The following CDC25A variants were observed in gnomAD, a reference collection of about 807,000 sequenced individuals.
The protein encoded by CDC25A is M-phase inducer phosphatase 1.
CDC25A carries 17 observed loss-of-function variants against 64.6 expected under a neutral mutation model. The ratio of observed to expected loss-of-function variants is 0.26; its 90% CI spans 0.18 to 0.39. The LOEUF (loss-of-function observed/expected upper bound fraction) is 0.39, where lower values mean the gene tolerates loss of function less well. CDC25A is among the 10% of genes least tolerant of loss of function. The pLI, the probability that CDC25A is intolerant of heterozygous loss-of-function variation, is 1.00. For missense variants in CDC25A, 473 were observed against 654.8 expected, an observed-to-expected ratio of 0.72 and a Z score of 3.03; for synonymous variants, 229 against 238.6, an observed-to-expected ratio of 0.96 and a Z score of 0.37.
intron 13 of CDC25A, among the ~76,000 whole-genome samples, chr3:48,160,186 C>T (rs2031689589): frequency 6.6e-6 from 1 of 152,092 alleles, no homozygotes; most frequent in Admixed American, 6.6e-5. Flanking sequence ...ACCTCAGGCT[C>T]ACTGCAATCT....
intron 13 of CDC25A, among the ~76,000 whole-genome samples, chr3:48,162,015 C>T (rs781702971): frequency 1.1e-4 from 16 of 151,982 alleles, no homozygotes; most frequent in African/African-American, 2.7e-4. Context: ...GATCCGAGAT[C>T]GCACCACTGC....
rs567697028 is a variant in CDC25A, at chr3:48,161,714, T to TA, written c.1323-2260dup. 2.5e-3 allele frequency among the ~76,000 whole-genome samples: 364 copies of TA among 146,140 alleles called. 8 individuals carry two copies. The East Asian group carries it at 0.052, about 21-fold the overall frequency. On this transcript the variant is annotated intron_variant, in intron 13 of 14. Coordinates refer to ENST00000302506, the MANE Select transcript of CDC25A (RefSeq NM_001789.3). ...ACAGAGACTGACCCTGACTCAAAAA[T>TA]AAAAAAAAAAGAGAGCAGCATCTTT...
rs1227952399 is a variant in CDC25A, at chr3:48,158,825, G to A, written c.*120C>T. 5.3e-5 allele frequency: 67 copies of A among 1,266,620 alleles called. No homozygotes were observed. Among genetic ancestry groups the A allele is most frequent in the Non-Finnish European group, 7.0e-5 (64 of 912,398 alleles). 78.5% of individuals were successfully genotyped at this position (1,266,620 alleles called of 1,614,324 possible). ...TGGGAGGTAGGTTTAAGGCATGGAA[G>A]TCCCAGGCCCCCTCTCCAAATGTCA... On this transcript the variant is annotated 3_prime_UTR_variant, in exon 15 of 15. Transcript: ENST00000302506.
chr3:48,187,842 C>T lies in CDC25A; in HGVS notation c.106G>A (p.Ala36Thr). The T allele has an allele frequency of 6.5e-7, 1 of 1,549,078 alleles. No homozygotes were observed. Among genetic ancestry groups the T allele is most frequent in the Non-Finnish European group, 8.7e-7 (1 of 1,145,992 alleles). The stretch of plus-strand genomic sequence containing the variant: ...TTGGTGACAGGCGACAGTCCCCCGG[C>T]GGCTGAAGCGCCAAATAGCGCCTTC... ...VVKALFGASA[A>T]GGLSPVTNLT... The change falls in exon 1 of 15, where the codon GCC (alanine) becomes ACC (threonine). Residue 36 changes from alanine (A) to threonine (T), a missense_variant. This residue lies in a region of CDC25A where 376 missense variants were observed against 431.9 expected (regional missense o/e 0.87). Coordinates refer to ENST00000302506, the MANE Select transcript of CDC25A (RefSeq NM_001789.3).
intron 6 of CDC25A, 93 bp downstream of exon 6, chr3:48,180,628 G>A: frequency 7.6e-7 from 1 of 1,317,246 alleles, no homozygotes; most frequent in Non-Finnish European, 1.1e-6. Context: ...AAAACAGCTA[G>A]TGCTACTGTA....
At chr3:48,177,222 A>G in intron 8 of CDC25A, 149 bp downstream of exon 8, 1 of 640,372 alleles carries the variant, frequency 1.6e-6, no homozygotes, top group Admixed American at 2.7e-5. Flanking sequence ...ACTAAAGGTC[A>G]TAATTTGTAG....
chr3:48,169,720 T>G (rs2032194903), intron 9 of CDC25A, among the ~76,000 whole-genome samples: 1 of 152,092 alleles, frequency 6.6e-6, no homozygotes. Flanking sequence ...GTAAGAAATT[T>G]AGCTCTGCCG....
intron 5 of CDC25A, 125 bp downstream of exon 5, chr3:48,182,804 G>A (rs929115389): frequency 1.6e-6 from 1 of 637,442 alleles, no homozygotes; most frequent in Admixed American, 2.6e-5. Context: ...AGAATTCTCT[G>A]ACTCCAAAGA....
chr3:48,186,593 T>A (rs879156204), intron 2 of CDC25A, 110 bp downstream of exon 2: 13 of 594,058 alleles, frequency 2.2e-5, no homozygotes, highest in Non-Finnish European at 3.6e-5. Flanking sequence ...AAAAAGTTTA[T>A]CACCCAATGC....
chr3:48,184,826 T>G, intron 2 of CDC25A, 131 bp from the exon 3 acceptor site: 1 of 638,438 alleles, frequency 1.6e-6, no homozygotes, highest in Non-Finnish European at 2.7e-6. Flanking sequence ...CTTGTACTTT[T>G]GCCAGAATTG....
At chr3:48,179,310 C>G (rs2032577696) in intron 6 of CDC25A, among the ~76,000 whole-genome samples, 1 of 152,128 alleles carries the variant, frequency 6.6e-6, no homozygotes, top group African/African-American at 2.4e-5. Flanking sequence ...GCTCTAGTCG[C>G]TAAGCACACA....
chr3:48,183,999 G>A (rs978407648), intron 3 of CDC25A, among the ~76,000 whole-genome samples, 163 bp from the exon 4 acceptor site: 7 of 151,924 alleles, frequency 4.6e-5, no homozygotes, highest in Admixed American at 3.9e-4. Context: ...CTGTTCTCAG[G>A]AGCACCCCCA....
At chr3:48,183,767 T>C (rs1156728967) in intron 4 of CDC25A, 33 bp downstream of exon 4, 1 of 1,399,280 alleles carries the variant, frequency 7.1e-7, no homozygotes, top group East Asian at 2.3e-5. Flanking sequence ...AGATAACAGG[T>C]ATTAGCTCAA....
intron 9 of CDC25A, among the ~76,000 whole-genome samples, chr3:48,170,263 C>T (rs919857518): frequency 2.2e-4 from 34 of 152,186 alleles, no homozygotes; most frequent in African/African-American, 7.9e-4. Flanking sequence ...ACCTGCAGAG[C>T]GTCAGATCAG....
chr3:48,185,004 T>C (rs557967188), intron 2 of CDC25A, among the ~76,000 whole-genome samples: 39 of 152,316 alleles, frequency 2.6e-4, no homozygotes, highest in African/African-American at 9.4e-4. Flanking sequence ...GTTATTCAGA[T>C]AGAGGTGACC....
chr3:48,170,453 G>C (rs780671962), intron 9 of CDC25A, among the ~76,000 whole-genome samples: 1 of 152,122 alleles, frequency 6.6e-6, no homozygotes, highest in Non-Finnish European at 1.5e-5. Context: ...TTATTATGAA[G>C]GATATTCAAA....
chr3:48,160,114 A>G lies in CDC25A; in HGVS notation c.1323-659T>C, dbSNP rs547020626. Among the ~76,000 whole-genome samples the G allele has an allele frequency of 7.9e-5, 12 of 152,138 alleles. No individual in the cohort carries two copies. In the South Asian group the frequency reaches 1.5e-3, roughly 18 times the overall value. ...CACCACTGGCCTTATTTTCCTCTGA[A>G]GCACCTTCTTTTTTCTGAGACAGAA... On this transcript the variant is annotated intron_variant, in intron 13 of 14. Transcript: ENST00000302506.
intron 12 of CDC25A, among the ~76,000 whole-genome samples, 177 bp downstream of exon 12, chr3:48,165,459 A>G (rs561179185): frequency 1.3e-5 from 2 of 152,300 alleles, no homozygotes; most frequent in Non-Finnish European, 2.9e-5. Flanking sequence ...AGTATTGCAG[A>G]CAAGGGAACA....
chr3:48,170,349 A>T (rs1300005450), intron 9 of CDC25A, among the ~76,000 whole-genome samples: 1 of 152,172 alleles, frequency 6.6e-6, no homozygotes, highest in Non-Finnish European at 1.5e-5. Flanking sequence ...CTGATCTACG[A>T]CCACCAGCTT....
Sources: gnomAD v4.1 joint callset for allele counts (sites outside exome capture counted in the v4.1 genomes callset) on GRCh38, gnomAD v4.1.1 for gene constraint, gnomAD v4.1.1 regional missense constraint, MANE v1.5 for transcripts, NCBI Gene and HGNC (gene_info 2026-07-23, HGNC 2026-07-21) for gene names.